Variants in SUGCT observed in about 807,000 individuals in gnomAD.
SUGCT encodes succinyl-CoA:glutarate-CoA transferase, also known as succinyl-CoA:glutarate CoA-transferase.
A neutral mutation model predicts 55.0 loss-of-function variants in SUGCT; 41 were observed. The ratio of observed to expected loss-of-function variants is 0.74; its 90% CI spans 0.58 to 0.97. SUGCT has a LOEUF of 0.97. SUGCT is among the 50% of genes least tolerant of loss of function. The pLI is 0.00. For synonymous variants in SUGCT, 187 were observed against 200.4 expected (o/e 0.93, Z 0.56); for missense variants, 568 against 547.8 (o/e 1.04, Z -0.37).
rs1314213262 is a variant in SUGCT at position 40,796,406 on chromosome 7, T to C, written c.1153+46909T>C. Among the ~76,000 whole-genome samples, 4 of 152,134 alleles carry C rather than the reference T, an allele frequency of 2.6e-5. No homozygotes were observed. The East Asian group carries it at 7.7e-4, about 29-fold the overall frequency. ...AGAAGATGCTTGGGAGGATGGCAAC[T>C]TGGTAGACTTCATACTAACAAGAAG... On this transcript the variant is annotated intron_variant, in intron 13 of 13. Transcript: ENST00000335693.
rs74323380 is a variant in SUGCT, at chr7:40,605,404, G to A, written c.1089+109018G>A. Among the ~76,000 whole-genome samples, 479 of 152,250 alleles carry A rather than the reference G, an allele frequency of 3.1e-3. 4 individuals are homozygous for A. Among genetic ancestry groups the A allele is most frequent in the African/African-American group, 0.011 (439 of 41,534 alleles). On this transcript the variant is annotated intron_variant, in intron 12 of 13. Transcript: ENST00000335693. ...TCACTCTTTCCACTCAAGATATTCC[G>A]TGTTTTTTTGGAGAATACAAGATTT...
rs1785173621 is a variant in SUGCT, at chr7:40,181,084, T to G, written c.152+86T>G. On this transcript the variant is annotated intron_variant, in intron 2 of 13. Coordinates refer to ENST00000335693, the MANE Select transcript of SUGCT (RefSeq NM_001193313.2). ...AATTTTTTGAATTATAAGAAGAGAC[T>G]TATATGCTTATGTTGAAATTTTAGA... The G allele has an allele frequency of 3.3e-6, 3 of 912,988 alleles. No homozygotes were observed. In the South Asian group the frequency reaches 4.4e-5, roughly 13 times the overall value. The allele number at this position is 912,988 out of a possible 1,614,324, so 56.6% of individuals were successfully genotyped here.
At chr7:41,024,437 T>TAC in the SUGCT span, among the ~76,000 whole-genome samples, 3 of 152,302 alleles carry the variant, frequency 2.0e-5, no homozygotes, top group South Asian at 6.2e-4. Flanking sequence ...AGAAACTTGT[T>TAC]ACACTCTTAA....
chr7:40,788,833 A>G lies in SUGCT; in HGVS notation c.1153+39336A>G, dbSNP rs200103440. 2.5e-4 allele frequency among the ~76,000 whole-genome samples: 38 copies of G among 152,376 alleles called. No homozygotes were observed. The East Asian group carries it at 7.3e-3, about 29-fold the overall frequency. On this transcript the variant is annotated intron_variant, in intron 13 of 13. Coordinates refer to ENST00000335693, the MANE Select transcript of SUGCT (RefSeq NM_001193313.2). ...CAGGGCTAGGCACATAACCAAGTAC[A>G]GAACCTGAGAAAATTCTTGGATTCT...
At chr7:40,565,975 ACACACACACACACACACG>A (rs1246670924) in intron 12 of SUGCT, among the ~76,000 whole-genome samples, 116 of 115,128 alleles carry the variant, frequency 1.0e-3, no homozygotes, top group Middle Eastern at 4.5e-3. Context: ...TATCACACAC[ACACACACACACACACACG>A]CACACACACA....
At chr7:40,427,690 A>C (rs951495530) in intron 9 of SUGCT, among the ~76,000 whole-genome samples, 6 of 152,290 alleles carry the variant, frequency 3.9e-5, no homozygotes, top group African/African-American at 1.2e-4. Context: ...TGAATGTCCC[A>C]TGCCAGGGGC....
intron 12 of SUGCT, among the ~76,000 whole-genome samples, chr7:40,697,577 G>C (rs889945799): frequency 1.3e-5 from 2 of 152,198 alleles, no homozygotes; most frequent in African/African-American, 4.8e-5. Context: ...GGCGGAGGTT[G>C]CAGTGAGCCA....
In SUGCT at chr7:40,284,633, GA is replaced by G. The variant is rs1793193801; in HGVS notation, c.720+9978del. On this transcript the variant is annotated intron_variant, in intron 8 of 13. Transcript: ENST00000335693. The stretch of plus-strand genomic sequence containing the variant: ...CAAAAAAAAAAAAAAAAAATGAGGT[GA>G]TGTGTATGTTAACTAGCTTGATTTA... Among the ~76,000 whole-genome samples, 8 of 150,264 alleles carry G rather than the reference GA, an allele frequency of 5.3e-5. No homozygotes were observed. In the South Asian group the frequency reaches 1.7e-3, roughly 32 times the overall value.
chr7:40,318,697 A>C (rs1324698805), intron 9 of SUGCT, among the ~76,000 whole-genome samples: 1 of 152,208 alleles, frequency 6.6e-6, no homozygotes, highest in Non-Finnish European at 1.5e-5. Flanking sequence ...TCGTCCTCCC[A>C]AAGTACTGGG....
intron 12 of SUGCT, among the ~76,000 whole-genome samples, chr7:40,719,575 T>G (rs1029698121): frequency 6.6e-6 from 1 of 152,082 alleles, no homozygotes; most frequent in Non-Finnish European, 1.5e-5. Context: ...AAAAAGATTT[T>G]CAGAACTGAA....
intron 9 of SUGCT, among the ~76,000 whole-genome samples, chr7:40,321,213 T>C (rs968310109): frequency 3.3e-5 from 5 of 149,982 alleles, no homozygotes; most frequent in African/African-American, 5.0e-5. Context: ...GTAGCTGGGA[T>C]TACAGGCAAA....
the SUGCT span, among the ~76,000 whole-genome samples, chr7:40,947,538 A>T: frequency 6.6e-6 from 1 of 151,450 alleles, no homozygotes; most frequent in African/African-American, 2.4e-5. Context: ...ATGTCTAAGA[A>T]TTTTTCTGTT....
At chr7:40,431,949 A>G (rs1334238144) in intron 9 of SUGCT, among the ~76,000 whole-genome samples, 1 of 152,144 alleles carries the variant, frequency 6.6e-6, no homozygotes, top group East Asian at 1.9e-4. Context: ...TTTCCCCCAT[A>G]TAGGATTATG....
At chr7:40,174,578 C>G (rs1419626019) in intron 1 of SUGCT, among the ~76,000 whole-genome samples, 1 of 152,178 alleles carries the variant, frequency 6.6e-6, no homozygotes, top group Non-Finnish European at 1.5e-5. Flanking sequence ...GTCGAGGTTA[C>G]AGTGAACTAT....
intron 12 of SUGCT, among the ~76,000 whole-genome samples, chr7:40,526,925 G>A (rs1039657352): frequency 4.6e-5 from 7 of 152,068 alleles, no homozygotes; most frequent in African/African-American, 1.7e-4. Context: ...TGATGTTCGG[G>A]TCTATCTTGC....
chr7:40,936,840 G>A, the SUGCT span, among the ~76,000 whole-genome samples: 1 of 151,782 alleles, frequency 6.6e-6, no homozygotes, highest in East Asian at 1.9e-4. Flanking sequence ...TTTTTCTTAT[G>A]ATTTCTTTTT....
In SUGCT at chr7:40,806,263, TTTATCAA is replaced by T. The variant is rs1426603803; in HGVS notation, c.1154-54052_1154-54046del. ...GGTCCTGAGTAGCCCATTTCAGGGT[TTTATCAA>T]ACCCTGACATGGGCAAGACTTACAG... is the stretch of plus-strand genomic sequence containing the variant. On this transcript the variant is annotated intron_variant, in intron 13 of 13. Coordinates refer to ENST00000335693, the MANE Select transcript of SUGCT (RefSeq NM_001193313.2). Among the ~76,000 whole-genome samples the T allele has an allele frequency of 2.1e-3, 326 of 152,232 alleles. 1 individual carries two copies. Among genetic ancestry groups the T allele is most frequent in the African/African-American group, 7.5e-3 (312 of 41,570 alleles).
At chr7:40,813,052 G>A (rs970344591) in intron 13 of SUGCT, among the ~76,000 whole-genome samples, 2 of 151,942 alleles carry the variant, frequency 1.3e-5, no homozygotes, top group African/African-American at 2.4e-5. Context: ...TTCTAATTTT[G>A]TTCCACTGTA....
intron 1 of SUGCT, among the ~76,000 whole-genome samples, chr7:40,165,515 G>A (rs145169300): frequency 1.3e-4 from 20 of 152,088 alleles, no homozygotes; most frequent in Admixed American, 3.9e-4. Flanking sequence ...CCATACTAGA[G>A]GCCAAAAAGA....
Sources: gnomAD v4.1 joint callset for allele counts (sites outside exome capture counted in the v4.1 genomes callset) on GRCh38, gnomAD v4.1.1 for gene constraint, MANE v1.5 for transcripts, NCBI Gene and HGNC (gene_info 2026-07-23, HGNC 2026-07-21) for gene names.